ITPR1: variants seen among roughly 807,000 people sequenced by gnomAD.
ITPR1 encodes the protein inositol 1,4,5-trisphosphate-gated calcium channel ITPR1.
A neutral mutation model predicts 318.4 loss-of-function variants in ITPR1; 96 were observed. The observed-to-expected ratio is 0.30, with a 90% CI of 0.26 to 0.36. The LOEUF is 0.36. Among genes scored for constraint, ITPR1 ranks in the 10% least tolerant of loss-of-function variants. The probability of loss-of-function intolerance (pLI) is 1.00; values close to 1 mark genes in which losing one functional copy is unlikely to be tolerated. For missense variants in ITPR1, 2,440 were observed against 3,460.2 expected (o/e 0.71, Z 7.40); for synonymous variants, 1,312 against 1,289.9 (o/e 1.02, Z -0.37).
chr3:4,805,986 AG>A, intron 54 of ITPR1, 116 bp from the exon 55 acceptor site: 1 of 845,268 alleles, frequency 1.2e-6, no homozygotes, highest in Non-Finnish European at 1.8e-6. Flanking sequence ...CGGGTGGAAA[AG>A]GAAGCGTTTG....
intron 54 of ITPR1, 58 bp from the exon 55 acceptor site, chr3:4,806,045 T>G: frequency 7.1e-7 from 1 of 1,411,328 alleles, no homozygotes; most frequent in Non-Finnish European, 9.7e-7. Flanking sequence ...CTCTCGTTGC[T>G]CTCATGAAGA....
chr3:4,618,664 G>T (rs999685167), intron 4 of ITPR1, among the ~76,000 whole-genome samples: 1 of 152,134 alleles, frequency 6.6e-6, no homozygotes, highest in Non-Finnish European at 1.5e-5. Context: ...TCCTCAGCAT[G>T]TTTTCCATGT....
At chr3:4,767,217 C>A (rs568743515) in intron 45 of ITPR1, among the ~76,000 whole-genome samples, 9 of 152,358 alleles carry the variant, frequency 5.9e-5, no homozygotes, top group African/African-American at 2.2e-4. Flanking sequence ...AAGTTTAGAA[C>A]TGGGTTTCTC....
At chr3:4,823,469 G>C (rs1050259105) in intron 60 of ITPR1, among the ~76,000 whole-genome samples, 2 of 152,012 alleles carry the variant, frequency 1.3e-5, no homozygotes, top group Admixed American at 1.3e-4. Flanking sequence ...AATACTATTT[G>C]GCCATAAAAA....
At chr3:4,587,271 G>GT (rs34690762) in intron 4 of ITPR1, among the ~76,000 whole-genome samples, 26,688 of 118,898 alleles carry the variant, frequency 0.22, 4,002 homozygotes, top group South Asian at 0.39. Flanking sequence ...ACTTCTCATG[G>GT]TTTTTTTTTT....
chr3:4,538,883 G>T (rs35878278), intron 4 of ITPR1, among the ~76,000 whole-genome samples: 1 of 151,928 alleles, frequency 6.6e-6, no homozygotes, highest in African/African-American at 2.4e-5. Flanking sequence ...TTAGGGGATG[G>T]GTGAGGGGAG....
chr3:4,579,698 T>C (rs570245228), intron 4 of ITPR1, among the ~76,000 whole-genome samples: 1 of 152,212 alleles, frequency 6.6e-6, no homozygotes, highest in Non-Finnish European at 1.5e-5. Context: ...AGGGTTTTTG[T>C]TTATTTTAAT....
At chr3:4,712,969 G>A (rs1373728796) in intron 39 of ITPR1, among the ~76,000 whole-genome samples, 2 of 152,154 alleles carry the variant, frequency 1.3e-5, no homozygotes, top group East Asian at 3.9e-4. Context: ...TGCCAGACAA[G>A]AGTTTATAAA....
intron 44 of ITPR1, among the ~76,000 whole-genome samples, chr3:4,736,929 A>G (rs1360522180): frequency 2.0e-5 from 3 of 152,114 alleles, no homozygotes; most frequent in African/African-American, 7.2e-5. Flanking sequence ...GTCTGTGAGG[A>G]TTTTCTCCAG....
At chr3:4,795,752 A>T (rs572816054) in intron 53 of ITPR1, among the ~76,000 whole-genome samples, 1 of 152,322 alleles carries the variant, frequency 6.6e-6, no homozygotes, top group South Asian at 2.1e-4. Flanking sequence ...ACAAAACATG[A>T]TGATTATGGT....
intron 4 of ITPR1, among the ~76,000 whole-genome samples, chr3:4,523,557 G>A (rs1448312167): frequency 2.6e-5 from 4 of 152,068 alleles, no homozygotes; most frequent in Non-Finnish European, 5.9e-5. Flanking sequence ...ACTGAAATCT[G>A]TATCCCTTGG....
chr3:4,781,043 C>T (rs537126185), intron 49 of ITPR1, among the ~76,000 whole-genome samples: 5 of 152,212 alleles, frequency 3.3e-5, no homozygotes, highest in African/African-American at 7.2e-5. Flanking sequence ...TGCATGTGTG[C>T]GTACATACGT....
At chr3:4,742,963 T>A (rs1165263121) in intron 44 of ITPR1, among the ~76,000 whole-genome samples, 1 of 152,242 alleles carries the variant, frequency 6.6e-6, no homozygotes, top group Non-Finnish European at 1.5e-5. Context: ...ATTTTAGAAC[T>A]CCAGGACATT....
At chr3:4,581,274 T>G (rs1027058302) in intron 4 of ITPR1, among the ~76,000 whole-genome samples, 2 of 152,158 alleles carry the variant, frequency 1.3e-5, no homozygotes, top group Non-Finnish European at 2.9e-5. Flanking sequence ...ATGTGAGTCT[T>G]GTCCTCTTCA....
At chr3:4,555,644 C>T (rs2086048684) in intron 4 of ITPR1, among the ~76,000 whole-genome samples, 2 of 152,112 alleles carry the variant, frequency 1.3e-5, no homozygotes, top group Admixed American at 6.5e-5. Flanking sequence ...TAGTTTTTTT[C>T]AGCATTTGAG....
At chr3:4,624,687 A>AG (rs1402547488) in intron 4 of ITPR1, among the ~76,000 whole-genome samples, 1 of 151,374 alleles carries the variant, frequency 6.6e-6, no homozygotes, top group African/African-American at 2.4e-5. Flanking sequence ...AAAAAAAAAA[A>AG]AAAAAAGATT....
chr3:4,520,036 C>T (rs562688221), intron 3 of ITPR1, among the ~76,000 whole-genome samples: 20 of 152,182 alleles, frequency 1.3e-4, no homozygotes. Flanking sequence ...CAGTAAGGGT[C>T]AAGGCTGAAT....
intron 5 of ITPR1, among the ~76,000 whole-genome samples, chr3:4,638,667 T>C (rs2093262708): frequency 6.6e-6 from 1 of 152,238 alleles, no homozygotes; most frequent in South Asian, 2.1e-4. Context: ...AGAAAGGGTA[T>C]AACAAATCCC....
intron 4 of ITPR1, among the ~76,000 whole-genome samples, chr3:4,625,341 T>C (rs925044537): frequency 1.4e-4 from 21 of 152,248 alleles, no homozygotes; most frequent in African/African-American, 4.6e-4. Context: ...CTAGTGTTTA[T>C]GTACTTGACT....
Sources: gnomAD v4.1 joint callset for allele counts (sites outside exome capture counted in the v4.1 genomes callset) on GRCh38, gnomAD v4.1.1 for gene constraint, MANE v1.5 for transcripts, NCBI Gene and HGNC (gene_info 2026-07-23, HGNC 2026-07-21) for gene names.